KCNQ5: variants seen among roughly 807,000 people sequenced by gnomAD.
KCNQ5 encodes potassium voltage-gated channel subfamily KQT member 5.
Under a neutral mutation model 98.2 loss-of-function variants are expected in KCNQ5, and 30 were observed. That is an observed-to-expected ratio of 0.31 (90% CI 0.23 to 0.41). KCNQ5 has a LOEUF of 0.41. Ranked by LOEUF, KCNQ5 falls within the 10% of genes least tolerant of loss-of-function variation. The pLI, the probability that KCNQ5 is intolerant of heterozygous loss-of-function variation, is 1.00. For synonymous variants in KCNQ5, 458 were observed against 449.4 expected, an observed-to-expected ratio of 1.02 and a Z score of -0.24; for missense variants, 835 against 1,182.5, an observed-to-expected ratio of 0.71 and a Z score of 4.31.
chr6:72,718,474 C>CA (rs1769769881), intron 1 of KCNQ5, among the ~76,000 whole-genome samples: 1 of 78,982 alleles, frequency 1.3e-5, no homozygotes, highest in Admixed American at 1.8e-4. Flanking sequence ...TTTTTTTTGA[C>CA]AGAGTCTCGC....
At chr6:73,120,439 G>C (rs369127759) in intron 7 of KCNQ5, 44 bp from the exon 8 acceptor site, 1 of 1,324,478 alleles carries the variant, frequency 7.6e-7, no homozygotes, top group Non-Finnish European at 1.1e-6. Context: ...TCTAAATCCT[G>C]CTCTCTTTTT....
chr6:72,724,313 C>T (rs568813462), intron 1 of KCNQ5, among the ~76,000 whole-genome samples: 1 of 152,224 alleles, frequency 6.6e-6, no homozygotes, highest in African/African-American at 2.4e-5. Context: ...TAAATAGATG[C>T]TCCTTGTCAT....
intron 1 of KCNQ5, among the ~76,000 whole-genome samples, chr6:72,753,246 C>T (rs1015056381): frequency 6.6e-6 from 1 of 151,962 alleles, no homozygotes; most frequent in African/African-American, 2.4e-5. Context: ...TGGCATAATG[C>T]TTTTAAGATG....
intron 1 of KCNQ5, among the ~76,000 whole-genome samples, chr6:72,675,589 G>A (rs191882361): frequency 4.1e-4 from 63 of 152,270 alleles, no homozygotes; most frequent in Middle Eastern, 3.4e-3. Context: ...AGTTAAGATT[G>A]AGTGACTGGA....
At chr6:72,696,520 A>G (rs1287804252) in intron 1 of KCNQ5, among the ~76,000 whole-genome samples, 1 of 152,246 alleles carries the variant, frequency 6.6e-6, no homozygotes, top group Non-Finnish European at 1.5e-5. Context: ...AAAAAGATGC[A>G]GGTTAATAAA....
chr6:72,942,721 G>A (rs1433503923), intron 1 of KCNQ5, among the ~76,000 whole-genome samples: 1 of 152,124 alleles, frequency 6.6e-6, no homozygotes, highest in Non-Finnish European at 1.5e-5. Context: ...GGGACTCTAC[G>A]GTGATATGGA....
chr6:73,127,751 A>C (rs1242561785), intron 9 of KCNQ5, among the ~76,000 whole-genome samples: 3 of 152,234 alleles, frequency 2.0e-5, no homozygotes, highest in African/African-American at 7.2e-5. Flanking sequence ...TATTTATGAC[A>C]GATCCAAAAC....
At chr6:73,142,302 G>A (rs1332082719) in intron 10 of KCNQ5, among the ~76,000 whole-genome samples, 2 of 152,138 alleles carry the variant, frequency 1.3e-5, no homozygotes, top group African/African-American at 4.8e-5. Flanking sequence ...GTTAGAGTCA[G>A]GCTACCACAA....
intron 1 of KCNQ5, among the ~76,000 whole-genome samples, chr6:72,856,389 A>G (rs1355102260): frequency 6.6e-6 from 1 of 152,026 alleles, no homozygotes; most frequent in Non-Finnish European, 1.5e-5. Context: ...ATTTAATAAT[A>G]AAATAGGCCA....
At chr6:72,785,478 A>G (rs1773689662) in intron 1 of KCNQ5, among the ~76,000 whole-genome samples, 1 of 151,968 alleles carries the variant, frequency 6.6e-6, no homozygotes, top group South Asian at 2.1e-4. Flanking sequence ...GTGATACCCC[A>G]TCTCTACTAA....
intron 1 of KCNQ5, among the ~76,000 whole-genome samples, chr6:72,674,536 C>T (rs1039450140): frequency 2.0e-5 from 3 of 152,094 alleles, no homozygotes; most frequent in Non-Finnish European, 4.4e-5. Flanking sequence ...TTTGGGAGGC[C>T]GAGGCAGGCA....
At chr6:72,776,891 G>A (rs147712239) in intron 1 of KCNQ5, among the ~76,000 whole-genome samples, 5 of 152,304 alleles carry the variant, frequency 3.3e-5, no homozygotes, top group Non-Finnish European at 7.4e-5. Context: ...GCCATGAAAT[G>A]AAGGAACAGG....
intron 1 of KCNQ5, among the ~76,000 whole-genome samples, chr6:72,869,769 C>T (rs961512755): frequency 1.3e-5 from 2 of 152,152 alleles, no homozygotes; most frequent in Admixed American, 1.3e-4. Context: ...CTATGCCTTC[C>T]TTCAGGATAT....
At chr6:73,101,981 A>G (rs927004419) in intron 5 of KCNQ5, among the ~76,000 whole-genome samples, 3 of 152,090 alleles carry the variant, frequency 2.0e-5, no homozygotes. Flanking sequence ...GAGAAATCAC[A>G]TTACCTGACT....
At chr6:73,175,463 T>C (rs1010944965) in intron 11 of KCNQ5, among the ~76,000 whole-genome samples, 5 of 152,120 alleles carry the variant, frequency 3.3e-5, no homozygotes, top group Non-Finnish European at 7.3e-5. Context: ...AGAAGAGCAA[T>C]TTTTTCAACC....
At chr6:72,885,104 C>T (rs1581956050) in intron 1 of KCNQ5, among the ~76,000 whole-genome samples, 1 of 152,160 alleles carries the variant, frequency 6.6e-6, no homozygotes, top group Middle Eastern at 3.4e-3. Flanking sequence ...CATAAAGTAT[C>T]AGAACAACTA....
chr6:72,854,104 C>T (rs935316014), intron 1 of KCNQ5, among the ~76,000 whole-genome samples: 8 of 152,106 alleles, frequency 5.3e-5, no homozygotes, highest in Non-Finnish European at 7.4e-5. Context: ...ACCATGAGAA[C>T]GCTTAAGAAC....
At chr6:73,164,586 C>T (rs1777724519) in intron 10 of KCNQ5, among the ~76,000 whole-genome samples, 1 of 152,140 alleles carries the variant, frequency 6.6e-6, no homozygotes, top group African/African-American at 2.4e-5. Flanking sequence ...GAGGTAATGT[C>T]TTGTAATCAT....
At chr6:72,965,015 G>A (rs1318105241) in intron 1 of KCNQ5, among the ~76,000 whole-genome samples, 2 of 151,988 alleles carry the variant, frequency 1.3e-5, no homozygotes, top group South Asian at 2.1e-4. Flanking sequence ...GTCTCACTAC[G>A]TTTCCTAGGC....
Sources: gnomAD v4.1 joint callset for allele counts (sites outside exome capture counted in the v4.1 genomes callset) on GRCh38, gnomAD v4.1.1 for gene constraint, MANE v1.5 for transcripts, NCBI Gene and HGNC (gene_info 2026-07-23, HGNC 2026-07-21) for gene names.